ERP44: variants seen among roughly 807,000 people sequenced by gnomAD.
The protein encoded by ERP44 is endoplasmic reticulum protein 44, also known as endoplasmic reticulum resident protein 44.
Under a neutral mutation model 53.4 loss-of-function variants are expected in ERP44, and 25 were observed. The observed-to-expected ratio is 0.47, with a 90% CI of 0.34 to 0.65. The LOEUF is 0.65. ERP44 is among the 30% of genes least tolerant of loss of function. The probability of loss-of-function intolerance (pLI) is 0.01; values close to 1 mark genes in which losing one functional copy is unlikely to be tolerated. For synonymous variants in ERP44, 145 were observed against 161.2 expected (o/e 0.90, Z 0.76); for missense variants, 338 against 493.2 (o/e 0.69, Z 2.98).
rs1320709388 is a variant in ERP44, at chr9:100,023,431, CT to C, written c.287-1206del. ...AAAAAAAAATAAGAAACTTTGATTTCTTTTTTTTTTTTTTGAAGACAGGGTC... is the reference window on the plus strand; with the variant it reads ...AAAAAAAAATAAGAAACTTTGATTTCTTTTTTTTTTTTTGAAGACAGGGTC... On this transcript the variant is annotated intron_variant, in intron 4 of 11. Coordinates refer to ENST00000262455, the MANE Select transcript of ERP44 (RefSeq NM_015051.3). Among the ~76,000 whole-genome samples, 194 of 103,164 alleles carry C rather than the reference CT, an allele frequency of 1.9e-3. 2 individuals carry two copies. The highest frequency in any genetic ancestry group is 3.5e-3 in the African/African-American group (108 of 30,786). The allele number at this position is 103,164 out of a possible 152,430, so 67.7% of individuals were successfully genotyped here. A position where few individuals can be genotyped will look rare whatever the true frequency, so the allele number is the denominator to read the frequency against.
chr9:100,032,063 G>A (rs1473604811), intron 4 of ERP44, among the ~76,000 whole-genome samples: 1 of 152,146 alleles, frequency 6.6e-6, no homozygotes, highest in Non-Finnish European at 1.5e-5. Context: ...GTATGAAAAT[G>A]TCCTCACACC....
At chr9:100,065,722 T>G (rs1826203851) in intron 1 of ERP44, among the ~76,000 whole-genome samples, 2 of 152,114 alleles carry the variant, frequency 1.3e-5, no homozygotes, top group African/African-American at 4.8e-5. Flanking sequence ...TCTTGTACAG[T>G]GCTATAATTT....
At chr9:100,069,288 A>T (rs952938704) in intron 1 of ERP44, among the ~76,000 whole-genome samples, 127 of 140,002 alleles carry the variant, frequency 9.1e-4, no homozygotes, top group African/African-American at 3.2e-3. Context: ...AATGATCAAT[A>T]AAAAAAAAAA....
At chr9:100,041,124 T>G (rs1176298674) in intron 4 of ERP44, among the ~76,000 whole-genome samples, 2 of 152,128 alleles carry the variant, frequency 1.3e-5, no homozygotes, top group African/African-American at 4.8e-5. Flanking sequence ...ACCAATGACA[T>G]TCTTCACAGA....
chr9:100,022,414 A>G (rs1336650436), intron 4 of ERP44, among the ~76,000 whole-genome samples, 188 bp from the exon 5 acceptor site: 1 of 152,172 alleles, frequency 6.6e-6, no homozygotes, highest in Non-Finnish European at 1.5e-5. Context: ...CAGGTTCTGG[A>G]CTGGGTTTAA....
chr9:100,065,196 A>C (rs143234340), intron 1 of ERP44, among the ~76,000 whole-genome samples: 3 of 152,244 alleles, frequency 2.0e-5, no homozygotes, highest in Non-Finnish European at 4.4e-5. Flanking sequence ...CTATATTTTT[A>C]CTGTGTCTTT....
At chr9:100,085,001 T>C (rs573840276) in intron 1 of ERP44, among the ~76,000 whole-genome samples, 1 of 152,328 alleles carries the variant, frequency 6.6e-6, no homozygotes, top group African/African-American at 2.4e-5. Context: ...TCTTGCCTCA[T>C]GGTACAAATG....
chr9:100,049,454 T>C (rs1826013335), intron 4 of ERP44, among the ~76,000 whole-genome samples: 1 of 152,154 alleles, frequency 6.6e-6, no homozygotes, highest in Non-Finnish European at 1.5e-5. Context: ...AAAAAATGTG[T>C]AATATTTGAA....
chr9:100,046,786 A>T (rs1257526853), intron 4 of ERP44, among the ~76,000 whole-genome samples: 2 of 152,220 alleles, frequency 1.3e-5, no homozygotes, highest in Non-Finnish European at 2.9e-5. Context: ...TCTAAAAGTT[A>T]AATGGAAATC....
chr9:99,984,881 C>G, intron 11 of ERP44, 86 bp downstream of exon 11: 2 of 706,664 alleles, frequency 2.8e-6, no homozygotes, highest in Admixed American at 5.4e-5. Context: ...GAAGCTCAAG[C>G]TGATGCAAGA....
intron 1 of ERP44, among the ~76,000 whole-genome samples, chr9:100,069,292 A>G (rs1417923981): frequency 6.7e-6 from 1 of 149,750 alleles, no homozygotes; most frequent in African/African-American, 2.4e-5. Context: ...ATCAATAAAA[A>G]AAAAAAAGAA....
intron 1 of ERP44, among the ~76,000 whole-genome samples, chr9:100,086,576 A>G (rs1294259364): frequency 6.6e-6 from 1 of 152,224 alleles, no homozygotes. Context: ...GACATCATAC[A>G]ATGTCCTTTA....
chr9:100,057,771 C>T (rs540862873), intron 3 of ERP44, 49 bp downstream of exon 3: 22 of 1,416,392 alleles, frequency 1.6e-5, no homozygotes, highest in Non-Finnish European at 1.7e-5. Flanking sequence ...GAAAAATTAA[C>T]CTTTAGCAAG....
In ERP44 at chr9:100,018,316, A is replaced by G. The variant is rs1489792716; in HGVS notation, c.588-3T>C. 1 of 1,582,766 alleles carries G rather than the reference A, an allele frequency of 6.3e-7. No individual in the cohort carries two copies. Among genetic ancestry groups the G allele is most frequent in the Admixed American group, 1.7e-5 (1 of 59,972 alleles). Reference sequence around the variant, plus strand: ...ATCTTTCCGGTTTTGAAACATCCCTATAGGAAGGGAGAAATAGTAATAAAC... The same window carrying G: ...ATCTTTCCGGTTTTGAAACATCCCTGTAGGAAGGGAGAAATAGTAATAAAC... On this transcript the variant is annotated splice_polypyrimidine_tract_variant and splice_region_variant and intron_variant, in intron 6 of 11. Coordinates refer to ENST00000262455, the MANE Select transcript of ERP44 (RefSeq NM_015051.3).
intron 4 of ERP44, among the ~76,000 whole-genome samples, chr9:100,046,420 G>A (rs958118990): frequency 1.3e-5 from 2 of 152,234 alleles, no homozygotes; most frequent in African/African-American, 2.4e-5. Context: ...GGCAAAATAG[G>A]TAAGGAATAT....
chr9:100,036,929 A>G (rs1368056079), intron 4 of ERP44, among the ~76,000 whole-genome samples: 2 of 152,142 alleles, frequency 1.3e-5, no homozygotes, highest in Admixed American at 1.3e-4. Context: ...GAGGCGGAGC[A>G]AGATGGTGAA....
At chr9:100,073,437 G>C (rs1404655318) in intron 1 of ERP44, among the ~76,000 whole-genome samples, 3 of 152,106 alleles carry the variant, frequency 2.0e-5, no homozygotes, top group African/African-American at 7.2e-5. Flanking sequence ...TTTGGTACCA[G>C]CTCTACCACT....
At chr9:99,996,207 G>C (rs186594633) in intron 10 of ERP44, among the ~76,000 whole-genome samples, 1 of 152,122 alleles carries the variant, frequency 6.6e-6, no homozygotes, top group South Asian at 2.1e-4. Context: ...GAATGGCTTG[G>C]TGCCACCCTC....
intron 10 of ERP44, among the ~76,000 whole-genome samples, chr9:99,995,773 T>C (rs1830303175): frequency 6.6e-6 from 1 of 152,210 alleles, no homozygotes; most frequent in African/African-American, 2.4e-5. Flanking sequence ...CATTCATCTG[T>C]AGACAGACAC....
Sources: allele counts gnomAD v4.1 joint callset (sites outside exome capture counted in the v4.1 genomes callset), GRCh38; gene constraint gnomAD v4.1.1; transcripts MANE v1.5; gene names NCBI Gene and HGNC (gene_info 2026-07-23, HGNC 2026-07-21).